Variants in ABHD6 observed in about 807,000 individuals in gnomAD.
ABHD6 encodes monoacylglycerol lipase ABHD6.
A neutral mutation model predicts 38.8 loss-of-function variants in ABHD6; 33 were observed. The ratio of observed to expected loss-of-function variants is 0.85; its 90% confidence interval spans 0.64 to 1.14. The LOEUF (loss-of-function observed/expected upper bound fraction) is 1.14, where lower values mean the gene tolerates loss of function less well. Ranked by LOEUF, ABHD6 falls within the 50% of genes most tolerant of loss-of-function variation. The pLI is 0.00. For missense variants in ABHD6, 380 were observed against 422.6 expected (o/e 0.90, Z 0.88); for synonymous variants, 147 against 161.6 (o/e 0.91, Z 0.69).
intron 6 of ABHD6, among the ~76,000 whole-genome samples, chr3:58,274,182 G>A (rs974632234): frequency 1.3e-5 from 2 of 152,150 alleles, no homozygotes; most frequent in Non-Finnish European, 2.9e-5. Flanking sequence ...TACCACGTGG[G>A]TCCAGGCCAA....
intron 2 of ABHD6, among the ~76,000 whole-genome samples, chr3:58,255,761 C>T (rs1269900335): frequency 6.6e-6 from 1 of 152,158 alleles, no homozygotes; most frequent in East Asian, 1.9e-4. Flanking sequence ...TCTCCTGCCT[C>T]AGCCTCCCGA....
At chr3:58,278,623 T>A in intron 7 of ABHD6, among the ~76,000 whole-genome samples, 1 of 152,256 alleles carries the variant, frequency 6.6e-6, no homozygotes, top group Non-Finnish European at 1.5e-5. Flanking sequence ...TGATCTTAGT[T>A]ATTTCTTGCC....
rs760122722 is a variant in ABHD6, at chr3:58,285,460, A to T, written c.837+7A>T. The T allele has an allele frequency of 6.2e-6, 10 of 1,610,726 alleles. No homozygotes were observed. Among genetic ancestry groups the T allele is most frequent in the Non-Finnish European group, 8.5e-6 (10 of 1,176,904 alleles). On this transcript the variant is annotated splice_region_variant and intron_variant, in intron 9 of 9. Transcript: ENST00000478253. The surrounding 1 kb of genome is among the most constrained non-coding windows in gnomAD (Gnocchi z 4.9). Reference sequence around the variant, plus strand: ...CTGGGGGAAACAAGACCAGGTATGTAACACATCCCCGCGGCAGTCTGTGCT... The same window carrying T: ...CTGGGGGAAACAAGACCAGGTATGTTACACATCCCCGCGGCAGTCTGTGCT...
In ABHD6 at chr3:58,293,537, C is replaced by T. The variant is rs139187703; in HGVS notation, c.838-52C>T. The T allele has an allele frequency of 9.0e-5, 143 of 1,592,832 alleles. No homozygotes were observed. The highest frequency in any genetic ancestry group is 1.8e-4 in the Middle Eastern group (1 of 5,420). On this transcript the variant is annotated intron_variant, in intron 9 of 9. Transcript: ENST00000478253. This position sits in a 1 kb window ranked among gnomAD's most constrained non-coding sequence, Gnocchi z 4.4. ...GGAAGTTCTGTCCACAGAGTGCACACGTGGGTGTCTGAATCTTTGTGTATC... is the reference window on the plus strand; with the variant it reads ...GGAAGTTCTGTCCACAGAGTGCACATGTGGGTGTCTGAATCTTTGTGTATC...
At chr3:58,268,656 G>A (rs2097442703) in intron 4 of ABHD6, among the ~76,000 whole-genome samples, 1 of 152,062 alleles carries the variant, frequency 6.6e-6, no homozygotes, top group African/African-American at 2.4e-5. Context: ...TCCACTATGA[G>A]GACAGTCATT....
rs1300047612 is a variant in ABHD6, at chr3:58,257,832, C to T, written c.119+1127C>T. Reference sequence around the variant, plus strand: ...AAGTGACAGAAAGAAAAAGAAGTTTCCAAAATATGTCATTCTTGTACCACT... The same window carrying T: ...AAGTGACAGAAAGAAAAAGAAGTTTTCAAAATATGTCATTCTTGTACCACT... On this transcript the variant is annotated intron_variant, in intron 3 of 9. Transcript: ENST00000478253. This position sits in a 1 kb window ranked among gnomAD's most constrained non-coding sequence, Gnocchi z 4.8. Among the ~76,000 whole-genome samples the T allele has an allele frequency of 1.3e-5, 2 of 152,122 alleles. No individual in the cohort carries two copies. Among genetic ancestry groups the T allele is most frequent in the African/African-American group, 4.8e-5 (2 of 41,402 alleles).
intron 1 of ABHD6, among the ~76,000 whole-genome samples, chr3:58,243,525 C>T (rs1377085159): frequency 4.6e-5 from 7 of 151,276 alleles, no homozygotes; most frequent in South Asian, 2.1e-4. Flanking sequence ...AGACAGAGGA[C>T]GTCTTATAGG....
intron 1 of ABHD6, among the ~76,000 whole-genome samples, chr3:58,244,543 T>C (rs935625607): frequency 6.6e-6 from 1 of 152,146 alleles, no homozygotes; most frequent in East Asian, 1.9e-4. Flanking sequence ...AGCAGGAGGA[T>C]TGCTTGAGGC....
In ABHD6 at chr3:58,269,591, A is replaced by T. The variant is rs17059096; in HGVS notation, c.390+157A>T. Among the ~76,000 whole-genome samples, 17,679 of 152,196 alleles carry T rather than the reference A, an allele frequency of 0.12. 1,321 individuals are homozygous for T. The highest frequency in any genetic ancestry group is 0.21 in the African/African-American group (8,507 of 41,496). On this transcript the variant is annotated intron_variant, in intron 5 of 9. Transcript: ENST00000478253. The surrounding 1 kb of genome is among the most constrained non-coding windows in gnomAD (Gnocchi z 4.4). Reference sequence around the variant, plus strand: ...TGGCAAGCCAAATGGCAACCTGATGATATCTCTGGTTGGCAATGGAGGGCC... The same window carrying T: ...TGGCAAGCCAAATGGCAACCTGATGTTATCTCTGGTTGGCAATGGAGGGCC...
At chr3:58,286,727 G>A (rs552397382) in intron 9 of ABHD6, among the ~76,000 whole-genome samples, 2 of 150,880 alleles carry the variant, frequency 1.3e-5, no homozygotes, top group East Asian at 2.0e-4. Flanking sequence ...ATACATATCT[G>A]AGCTTTCAAA....
At chr3:58,277,761 C>G (rs577558805) in intron 7 of ABHD6, among the ~76,000 whole-genome samples, 139 of 152,132 alleles carry the variant, frequency 9.1e-4, no homozygotes, top group African/African-American at 3.1e-3. Flanking sequence ...ATAAATAGCT[C>G]TTATTATTTT....
At chr3:58,282,457 C>T (rs2097454039) in intron 7 of ABHD6, among the ~76,000 whole-genome samples, 1 of 152,002 alleles carries the variant, frequency 6.6e-6, no homozygotes, top group Admixed American at 6.6e-5. Context: ...CCTGGCTGGG[C>T]ATGGTGGCTT....
At chr3:58,258,645 C>A (rs1344305644) in intron 3 of ABHD6, 1 of 187,740 alleles carries the variant, frequency 5.3e-6, no homozygotes, top group South Asian at 8.3e-5. Context: ...TGAGATCTAA[C>A]TGGGACTTCA....
chr3:58,242,891 GC>G (rs2097423789), intron 1 of ABHD6, among the ~76,000 whole-genome samples: 1 of 152,128 alleles, frequency 6.6e-6, no homozygotes, highest in Admixed American at 6.6e-5. Flanking sequence ...CCCACGACAG[GC>G]CCCGGTGTGT....
Position 58,256,076 on chromosome 3 carries a change from A to ACACACAC in ABHD6, c.-25-486_-25-485insCACACAC, listed in dbSNP as rs2097433014. Among the ~76,000 whole-genome samples, 1 of 65,536 alleles carries ACACACAC rather than the reference A, an allele frequency of 1.5e-5. No homozygotes were observed. The highest frequency in any genetic ancestry group is 1.0e-4 in the African/African-American group (1 of 9,788). The allele number at this position is 65,536 out of a possible 152,430, so 43.0% of individuals were successfully genotyped here. A position where few individuals can be genotyped will look rare whatever the true frequency, so the allele number is the denominator to read the frequency against. On this transcript the variant is annotated intron_variant, in intron 2 of 9. Coordinates refer to ENST00000478253, the MANE Select transcript of ABHD6 (RefSeq NM_001320126.2). This position sits in a 1 kb window ranked among gnomAD's most constrained non-coding sequence, Gnocchi z 4.3. ...TATTTCTCTCTCTTTTCCTCCCACC[A>ACACACAC]ACACACACACACACACACACACACA...
chr3:58,293,664 G>T lies in ABHD6; in HGVS notation c.913G>T (p.Gly305Trp). 1 of 1,614,162 alleles carries T rather than the reference G, an allele frequency of 6.2e-7. No individual in the cohort carries two copies. The highest frequency in any genetic ancestry group is 2.2e-5 in the East Asian group (1 of 44,876). ...CCAGGTGGAGCTTCTGGAAAACTGT[G>T]GGCACTCAGTAGTGATGGAAAGACC... ...NCQVELLENCGHSVVMERPRK... is the reference protein window; with the variant it reads ...NCQVELLENCWHSVVMERPRK... The change falls in exon 10 of 10, where the codon GGG becomes TGG. Residue 305 changes from glycine to tryptophan, a missense_variant. By Grantham distance (184) the Gly-to-Trp change is radical. Transcript: ENST00000478253. The surrounding 1 kb of genome is among the most constrained non-coding windows in gnomAD (Gnocchi z 4.4).
Position 58,251,086 on chromosome 3 carries a change from G to A in ABHD6, c.-26+1144G>A, listed in dbSNP as rs1048564669. On this transcript the variant is annotated intron_variant, in intron 2 of 9. Transcript: ENST00000478253. This position sits in a 1 kb window ranked among gnomAD's most constrained non-coding sequence, Gnocchi z 5.4. ...TGTAATCCCAGCACTTTGGGAGGCC[G>A]AGGCGGGGGGGATCACCTGAGGTCA... Among the ~76,000 whole-genome samples, 13 of 151,714 alleles carry A rather than the reference G, an allele frequency of 8.6e-5. No individual in the cohort carries two copies. The highest frequency in any genetic ancestry group is 8.8e-5 in the Non-Finnish European group (6 of 68,018).
chr3:58,293,886 A>C lies in ABHD6; in HGVS notation c.*121A>C. The C allele has an allele frequency of 8.8e-7, 1 of 1,131,410 alleles. No homozygotes were observed. The highest frequency in any genetic ancestry group is 1.2e-6 in the Non-Finnish European group (1 of 813,606). 70.1% of individuals were successfully genotyped at this position (1,131,410 alleles called of 1,614,324 possible). On this transcript the variant is annotated 3_prime_UTR_variant, in exon 10 of 10. Transcript: ENST00000478253. The surrounding 1 kb of genome is among the most constrained non-coding windows in gnomAD (Gnocchi z 4.4). Reference sequence around the variant, plus strand: ...GTCGGAGCGCCAGTGACCCTGAGGAAGCCCGTCCCTTATCCCTGGTATCCA... The same window carrying C: ...GTCGGAGCGCCAGTGACCCTGAGGACGCCCGTCCCTTATCCCTGGTATCCA...
chr3:58,279,095 G>A (rs2097450970), intron 7 of ABHD6, among the ~76,000 whole-genome samples: 1 of 152,208 alleles, frequency 6.6e-6, no homozygotes, highest in South Asian at 2.1e-4. Context: ...GGGGTGGAGA[G>A]TTATGTAGAT....
Sources: allele counts gnomAD v4.1 joint callset (sites outside exome capture counted in the v4.1 genomes callset), GRCh38; gene constraint gnomAD v4.1.1; non-coding constraint Gnocchi (gnomAD v3.1); transcripts MANE v1.5; gene names NCBI Gene and HGNC (gene_info 2026-07-23, HGNC 2026-07-21).